Variants in PALD1 observed in about 807,000 individuals in gnomAD.
The protein encoded by PALD1 is phosphatase domain containing paladin 1.
A neutral mutation model predicts 96.0 loss-of-function variants in PALD1; 57 were observed. That is an observed-to-expected ratio of 0.59 (90% confidence interval 0.48 to 0.74). PALD1 has a LOEUF of 0.74. Ranked by LOEUF, PALD1 falls within the 30% of genes least tolerant of loss-of-function variation. PALD1 has a pLI of 0.00. For synonymous variants in PALD1, 464 were observed against 473.6 expected (o/e 0.98, Z 0.26); for missense variants, 1,063 against 1,143.7 (o/e 0.93, Z 1.02).
chr10:70,465,812 G>A, the PALD1 span, among the ~76,000 whole-genome samples: 1 of 152,206 alleles, frequency 6.6e-6, no homozygotes, highest in South Asian at 2.1e-4. Context: ...ATGGAGGACA[G>A]CAGGGAGAAA....
At chr10:70,544,556 G>C (rs1054552029) in intron 17 of PALD1, among the ~76,000 whole-genome samples, 3 of 152,070 alleles carry the variant, frequency 2.0e-5, no homozygotes, top group African/African-American at 7.2e-5. Flanking sequence ...CTCATTGGTA[G>C]GTCTTGAGGG....
chr10:70,516,707 C>G (rs1360719876), intron 1 of PALD1, among the ~76,000 whole-genome samples: 2 of 151,888 alleles, frequency 1.3e-5, no homozygotes, highest in African/African-American at 2.4e-5. Flanking sequence ...GCATGCACCA[C>G]CACACCTGGC....
chr10:70,490,009 G>A (rs1846074311), intron 1 of PALD1, among the ~76,000 whole-genome samples: 1 of 151,582 alleles, frequency 6.6e-6, no homozygotes, highest in African/African-American at 2.4e-5. Flanking sequence ...GGCAACCTCC[G>A]CCTCCCGGGT....
chr10:70,544,550 T>C (rs903371470), intron 17 of PALD1, among the ~76,000 whole-genome samples: 39 of 152,036 alleles, frequency 2.6e-4, no homozygotes, highest in African/African-American at 9.4e-4. Context: ...CCAGTCCTCA[T>C]TGGTAGGTCT....
At chr10:70,546,952 A>AAACAACAACAAC (rs541902484) in intron 17 of PALD1, among the ~76,000 whole-genome samples, 1 of 152,026 alleles carries the variant, frequency 6.6e-6, no homozygotes, top group Non-Finnish European at 1.5e-5. Flanking sequence ...CTCTGTCTCC[A>AAACAACAACAAC]AACAACAACA....
chr10:70,465,666 C>A, the PALD1 span, among the ~76,000 whole-genome samples: 1 of 152,144 alleles, frequency 6.6e-6, no homozygotes, highest in Non-Finnish European at 1.5e-5. Context: ...AAGCCTGACA[C>A]CCTCCAAGAC....
intron 1 of PALD1, among the ~76,000 whole-genome samples, chr10:70,487,176 C>T (rs1396116441): frequency 7.2e-6 from 1 of 139,358 alleles, no homozygotes; most frequent in African/African-American, 2.6e-5. Flanking sequence ...CTCTGTTGCC[C>T]AGGCTGGAGT....
chr10:70,531,545 C>A, intron 5 of PALD1, 91 bp downstream of exon 5: 3 of 1,265,720 alleles, frequency 2.4e-6, no homozygotes, highest in Non-Finnish European at 3.3e-6. Flanking sequence ...CTCTTACTGG[C>A]CCGTGTTCCC....
At chr10:70,552,428 A>G (rs1216750162) in intron 18 of PALD1, among the ~76,000 whole-genome samples, 1 of 152,232 alleles carries the variant, frequency 6.6e-6, no homozygotes, top group South Asian at 2.1e-4. Flanking sequence ...ACTTAGAAGT[A>G]GAATTACTGA....
At chr10:70,555,260 C>T (rs1308642751) in intron 18 of PALD1, among the ~76,000 whole-genome samples, 3 of 151,584 alleles carry the variant, frequency 2.0e-5, no homozygotes, top group East Asian at 2.0e-4. Context: ...CAGGTGTGAG[C>T]CACTGTACCT....
chr10:70,548,137 C>G (rs536352738), intron 18 of PALD1, among the ~76,000 whole-genome samples: 17 of 152,176 alleles, frequency 1.1e-4, no homozygotes, highest in African/African-American at 4.1e-4. Flanking sequence ...GAAACTCCAT[C>G]TCTACTGAAA....
chr10:70,532,055 G>T (rs1224031603), intron 5 of PALD1, among the ~76,000 whole-genome samples: 1 of 152,012 alleles, frequency 6.6e-6, no homozygotes, highest in Non-Finnish European at 1.5e-5. Flanking sequence ...AAGGACCAAG[G>T]CTGCAGTTCA....
intron 1 of PALD1, among the ~76,000 whole-genome samples, chr10:70,525,522 G>A (rs775855400): frequency 7.9e-5 from 12 of 151,676 alleles, no homozygotes; most frequent in South Asian, 2.1e-4. Flanking sequence ...GTTCTTTCTC[G>A]GTGACATTTC....
intron 1 of PALD1, among the ~76,000 whole-genome samples, chr10:70,513,182 A>T (rs1487521336): frequency 6.6e-6 from 1 of 152,126 alleles, no homozygotes; most frequent in African/African-American, 2.4e-5. Context: ...ATTTGGAAAA[A>T]TTTTAAACCT....
At chr10:70,554,922 CTCCCCCTCCT>C (rs1847564389) in intron 18 of PALD1, among the ~76,000 whole-genome samples, 1 of 21,662 alleles carries the variant, frequency 4.6e-5, no homozygotes, top group Non-Finnish European at 9.4e-5. Context: ...CTCTCCTCCC[CTCCCCCTCCT>C]CCCCCTCCCC....
intron 1 of PALD1, among the ~76,000 whole-genome samples, chr10:70,515,594 CAT>C (rs531216430): frequency 4.2e-4 from 64 of 152,182 alleles, no homozygotes; most frequent in Non-Finnish European, 7.5e-4. Flanking sequence ...CAGGGTCAGC[CAT>C]GGTGTGGGGG....
chr10:70,509,360 A>T lies in PALD1; in HGVS notation c.-29-16563A>T, dbSNP rs146381487. Among the ~76,000 whole-genome samples the T allele has an allele frequency of 8.5e-3, 1,297 of 152,210 alleles. 17 individuals carry two copies. The highest frequency in any genetic ancestry group is 0.039 in the South Asian group (187 of 4,816). On this transcript the variant is annotated intron_variant, in intron 1 of 19. Coordinates refer to ENST00000263563, the MANE Select transcript of PALD1 (RefSeq NM_014431.3). ...CCTGTTTTTTCACCTGCTTGATGGG[A>T]CAGTTGCCCTGTGCTTCTCCCTTCC... is the stretch of plus-strand genomic sequence containing the variant.
At chr10:70,543,741 C>T (rs1053691630) in intron 17 of PALD1, among the ~76,000 whole-genome samples, 1 of 152,096 alleles carries the variant, frequency 6.6e-6, no homozygotes. Context: ...GCATCGGTGC[C>T]TTGAATGTGA....
intron 1 of PALD1, among the ~76,000 whole-genome samples, chr10:70,496,356 C>G (rs1193804760): frequency 1.3e-5 from 2 of 152,222 alleles, no homozygotes; most frequent in African/African-American, 4.8e-5. Flanking sequence ...TCTCCCTACC[C>G]AGATCAAGGT....
Sources: gnomAD v4.1 joint callset for allele counts (sites outside exome capture counted in the v4.1 genomes callset) on GRCh38, gnomAD v4.1.1 for gene constraint, MANE v1.5 for transcripts, NCBI Gene and HGNC (gene_info 2026-07-23, HGNC 2026-07-21) for gene names.